The following DCX variants were observed in gnomAD, a reference collection of about 807,000 sequenced individuals.
DCX encodes neuronal migration protein doublecortin.
A neutral mutation model predicts 20.9 loss-of-function variants in DCX; 4 were observed. The observed-to-expected ratio is 0.19, with a 90% CI of 0.09 to 0.44. DCX has a LOEUF of 0.44. DCX is among the 20% of genes least tolerant of loss of function. The pLI is 0.99. For missense variants in DCX, 133 were observed against 296.9 expected (o/e 0.45, Z 4.06); for synonymous variants, 103 against 111.4 (o/e 0.92, Z 0.47).
intron 3 of DCX, among the ~76,000 whole-genome samples, chrX:111,364,055 C>T (rs765801507): frequency 1.2e-4 from 14 of 112,006 alleles, no homozygotes; most frequent in African/African-American, 4.5e-4. Flanking sequence ...GCCAGAGAAA[C>T]ATAGTGCAGT....
intron 6 of DCX, among the ~76,000 whole-genome samples, chrX:111,310,211 A>T (rs904135838): frequency 1.8e-5 from 2 of 111,598 alleles, no homozygotes; most frequent in Non-Finnish European, 3.8e-5. Flanking sequence ...TGGTGCCTGT[A>T]GTCCCAGCTG....
intron 5 of DCX, among the ~76,000 whole-genome samples, chrX:111,326,910 C>G (rs916282140): frequency 8.9e-6 from 1 of 111,876 alleles, no homozygotes; most frequent in African/African-American, 3.2e-5. Context: ...ATTTACTAAA[C>G]CTCAAGTCAG....
intron 3 of DCX, among the ~76,000 whole-genome samples, chrX:111,366,912 A>T (rs1924668498): frequency 9.0e-6 from 1 of 111,718 alleles, no homozygotes; most frequent in Non-Finnish European, 1.9e-5. Flanking sequence ...ATCACTATCC[A>T]TGCTTGTCCT....
chrX:111,398,496 T>C (rs1927517459), intron 3 of DCX, among the ~76,000 whole-genome samples: 1 of 111,591 alleles, frequency 9.0e-6, no homozygotes, highest in African/African-American at 3.3e-5. Context: ...GGAATGTATA[T>C]ACAGAGGTAC....
intron 3 of DCX, among the ~76,000 whole-genome samples, chrX:111,345,550 A>G (rs1922727663): frequency 8.9e-6 from 1 of 111,750 alleles, no homozygotes; most frequent in Non-Finnish European, 1.9e-5. Flanking sequence ...ATTTACAAGA[A>G]AAAAACAAAC....
Position 111,296,906 on chromosome X carries a change from C to T in DCX, c.*4781G>A. 9.0e-6 allele frequency: 1 copy of T among 111,360 alleles called. No individual in the cohort carries two copies. The allele number at this position is 111,360 out of a possible 1,213,427, so 9.2% of individuals were successfully genotyped here. A position where few individuals can be genotyped will look rare whatever the true frequency, so the allele number is the denominator to read the frequency against. ...ACTAAGAGTCTGGGTGTATAAAGAC[C>T]ATACTAGACTTTTGGAGACAAAAAC... On this transcript the variant is annotated 3_prime_UTR_variant, in exon 7 of 7. Transcript: ENST00000636035.
intron 3 of DCX, among the ~76,000 whole-genome samples, chrX:111,360,513 A>T (rs1023940225): frequency 9.0e-6 from 1 of 111,545 alleles, no homozygotes; most frequent in Non-Finnish European, 1.9e-5. Context: ...AAGAATGAAT[A>T]AGACTTACTA....
intron 3 of DCX, among the ~76,000 whole-genome samples, chrX:111,375,905 A>G: frequency 8.9e-6 from 1 of 112,261 alleles, no homozygotes; most frequent in Non-Finnish European, 1.9e-5. Flanking sequence ...TTTCCTACGA[A>G]GATTTCCAAG....
At chrX:111,398,885 G>T (rs963009023) in intron 3 of DCX, among the ~76,000 whole-genome samples, 1 of 111,761 alleles carries the variant, frequency 8.9e-6, no homozygotes, top group African/African-American at 3.3e-5. Context: ...GGCCAAGGTG[G>T]GCGGATTGCC....
intron 3 of DCX, among the ~76,000 whole-genome samples, chrX:111,369,774 G>A (rs1378541337): frequency 9.0e-6 from 1 of 111,650 alleles, no homozygotes; most frequent in South Asian, 3.8e-4. Flanking sequence ...TGAGGAGGAG[G>A]GTGCATTCCC....
intron 3 of DCX, among the ~76,000 whole-genome samples, chrX:111,373,643 A>C (rs1306412631): frequency 9.0e-6 from 1 of 111,478 alleles, no homozygotes; most frequent in Non-Finnish European, 1.9e-5. Flanking sequence ...CCAAGAAGAG[A>C]GTCTGAGGCA....
rs189732059 is a variant in DCX, at chrX:111,389,950, A to T, written c.705+11040T>A. Among the ~76,000 whole-genome samples, 9 of 111,902 alleles carry T rather than the reference A, an allele frequency of 8.0e-5. No homozygotes were observed. In the Admixed American group the frequency reaches 8.6e-4, roughly 11 times the overall value. The stretch of plus-strand genomic sequence containing the variant: ...CATTCCCATGATTATGTTATGTTTC[A>T]TGGCAAAAGGGCTTTTTTATGTAAT... On this transcript the variant is annotated intron_variant, in intron 3 of 6. Coordinates refer to ENST00000636035, the MANE Select transcript of DCX (RefSeq NM_001195553.2).
At chrX:111,362,244 C>A (rs1016841830) in intron 3 of DCX, among the ~76,000 whole-genome samples, 54 of 111,294 alleles carry the variant, frequency 4.9e-4, no homozygotes, top group African/African-American at 1.7e-3. Flanking sequence ...GAGCTTGAGT[C>A]GAAGTTTCCT....
intron 3 of DCX, among the ~76,000 whole-genome samples, chrX:111,335,496 T>C (rs1665849126): frequency 8.9e-6 from 1 of 112,531 alleles, no homozygotes; most frequent in South Asian, 3.7e-4. Context: ...ATGAAATCAA[T>C]TGTGGCAGAC....
chrX:111,329,701 C>T (rs1291854593), intron 5 of DCX, among the ~76,000 whole-genome samples: 2 of 111,540 alleles, frequency 1.8e-5, no homozygotes, highest in African/African-American at 6.5e-5. Context: ...GCCTGGGTTG[C>T]CTTTTCATAC....
chrX:111,388,026 G>A (rs1926656326), intron 3 of DCX, among the ~76,000 whole-genome samples: 1 of 111,831 alleles, frequency 8.9e-6, no homozygotes, highest in African/African-American at 3.3e-5. Flanking sequence ...TGTGGTGAGT[G>A]GAAGGAGTGC....
chrX:111,305,674 C>T (rs56107594), intron 6 of DCX, among the ~76,000 whole-genome samples: 1,089 of 72,330 alleles, frequency 0.015, 14 homozygotes, highest in Middle Eastern at 0.056. Context: ...CAATATTTTT[C>T]TTTCTGTGTC....
chrX:111,311,980 T>C (rs1396224036), intron 6 of DCX, among the ~76,000 whole-genome samples: 1 of 112,397 alleles, frequency 8.9e-6, no homozygotes, highest in Non-Finnish European at 1.9e-5. Flanking sequence ...CTCCACATTT[T>C]CTACACAGAG....
At chrX:111,371,380 C>T (rs1235680831) in intron 3 of DCX, among the ~76,000 whole-genome samples, 1 of 111,110 alleles carries the variant, frequency 9.0e-6, no homozygotes, top group Non-Finnish European at 1.9e-5. Context: ...ATTCCACTTC[C>T]TCAGCCTTCT....
Sources: allele counts gnomAD v4.1 joint callset (sites outside exome capture counted in the v4.1 genomes callset), GRCh38; gene constraint gnomAD v4.1.1; transcripts MANE v1.5; gene names NCBI Gene and HGNC (gene_info 2026-07-23, HGNC 2026-07-21).